The following CAST variants were observed in gnomAD, a reference collection of about 807,000 sequenced individuals.
The protein encoded by CAST is calpastatin.
CAST carries 76 observed loss-of-function variants against 119.6 expected under a neutral mutation model. The observed-to-expected ratio is 0.64, with a 90% confidence interval of 0.53 to 0.77. The LOEUF is 0.77. CAST is among the 30% of genes least tolerant of loss of function. The probability of loss-of-function intolerance (pLI) is 0.00; values close to 1 mark genes in which losing one functional copy is unlikely to be tolerated. For missense variants in CAST, 953 were observed against 946.5 expected (o/e 1.01, Z -0.09); for synonymous variants, 319 against 331.6 (o/e 0.96, Z 0.41).
chr5:96,046,579 C>G, the CAST span, among the ~76,000 whole-genome samples: 33 of 152,278 alleles, frequency 2.2e-4, no homozygotes, highest in African/African-American at 7.9e-4. Flanking sequence ...TAATTCATTC[C>G]CATATGGGCA....
At chr5:96,566,311 T>C (rs1407242852) in intron 1 of CAST, among the ~76,000 whole-genome samples, 1 of 152,202 alleles carries the variant, frequency 6.6e-6, no homozygotes, top group African/African-American at 2.4e-5. Flanking sequence ...GTTGATTCCA[T>C]TGTTCCTTTA....
intron 3 of CAST, chr5:96,696,229 A>G (rs1581003844): frequency 6.0e-6 from 1 of 166,426 alleles, no homozygotes. Flanking sequence ...CCCACTTTAG[A>G]AAATAATTCA....
intron 1 of CAST, among the ~76,000 whole-genome samples, chr5:96,566,736 T>C (rs1746475719): frequency 2.0e-5 from 3 of 152,202 alleles, no homozygotes; most frequent in Admixed American, 2.0e-4. Context: ...CATGACCCCT[T>C]CTGCTGACAA....
At chr5:96,668,981 G>T (rs772371848) in intron 1 of CAST, among the ~76,000 whole-genome samples, 1 of 152,192 alleles carries the variant, frequency 6.6e-6, no homozygotes, top group African/African-American at 2.4e-5. Context: ...TACTGGAGGA[G>T]GGGGTGGGGC....
the CAST span, among the ~76,000 whole-genome samples, chr5:96,275,055 T>C: frequency 6.6e-6 from 1 of 152,176 alleles, no homozygotes; most frequent in Non-Finnish European, 1.5e-5. Flanking sequence ...AATTAACACG[T>C]TGAGGTGGTA....
chr5:96,131,222 C>A, the CAST span, among the ~76,000 whole-genome samples: 1 of 151,844 alleles, frequency 6.6e-6, no homozygotes, highest in East Asian at 1.9e-4. Flanking sequence ...TGTCTATTAA[C>A]CTAGAGAGAT....
the CAST span, among the ~76,000 whole-genome samples, chr5:96,344,923 T>A: frequency 6.6e-6 from 1 of 152,202 alleles, no homozygotes; most frequent in Non-Finnish European, 1.5e-5. Context: ...ATATAATGAC[T>A]TGTAGACACA....
chr5:96,006,949 C>G, the CAST span, among the ~76,000 whole-genome samples: 59 of 152,174 alleles, frequency 3.9e-4, 1 homozygote, highest in Admixed American at 3.7e-3. Context: ...AATATCTAAG[C>G]TTTAAAAATG....
the CAST span, among the ~76,000 whole-genome samples, chr5:96,332,224 C>T: frequency 2.0e-5 from 3 of 152,156 alleles, no homozygotes; most frequent in Admixed American, 6.5e-5. Flanking sequence ...AGAATTCACA[C>T]CATTTATTAT....
rs1367623587 is a variant in CAST, at chr5:96,757,444, G to A, written c.1711G>A (p.Asp571Asn). 1 of 1,613,882 alleles carries A rather than the reference G, an allele frequency of 6.2e-7. No homozygotes were observed. The highest frequency in any genetic ancestry group is 8.5e-7 in the Non-Finnish European group (1 of 1,179,772). ...PPDYRLEEVK[D>N]KDGKPLLPKE... ...GCCATGTGTTTTCCCCCCCGGATAG[G>A]ATAAAGATGGAAAGCCACTCCTGCC... The change falls in exon 23 of 32, where the codon GAT (aspartate) becomes AAT (asparagine). Residue 571 changes from aspartate (D) to asparagine (N), a missense_variant and splice_region_variant. Coordinates refer to ENST00000675179, the MANE Select transcript of CAST (RefSeq NM_001750.7).
At chr5:96,120,248 CCTT>C in the CAST span, among the ~76,000 whole-genome samples, 2 of 152,076 alleles carry the variant, frequency 1.3e-5, no homozygotes, top group Non-Finnish European at 2.9e-5. Flanking sequence ...TTGATTCTCA[CCTT>C]CTACTGTTGG....
chr5:96,016,390 T>C, the CAST span, among the ~76,000 whole-genome samples: 16 of 152,336 alleles, frequency 1.1e-4, no homozygotes, highest in East Asian at 2.5e-3. Flanking sequence ...CACATGCCAC[T>C]GAATCATACA....
the CAST span, chr5:96,308,661 A>T: frequency 5.9e-5 from 9 of 151,952 alleles, no homozygotes; most frequent in African/African-American, 2.2e-4. Flanking sequence ...CTTTTTGTTG[A>T]TGCTGATACT....
chr5:96,206,891 T>C, the CAST span, among the ~76,000 whole-genome samples: 1 of 152,168 alleles, frequency 6.6e-6, no homozygotes, highest in African/African-American at 2.4e-5. Flanking sequence ...TAAATTGCTG[T>C]GGGCAGTATG....
At chr5:96,091,113 G>A in the CAST span, among the ~76,000 whole-genome samples, 1 of 152,116 alleles carries the variant, frequency 6.6e-6, no homozygotes, top group South Asian at 2.1e-4. Flanking sequence ...TGGGGTGGAG[G>A]CTGCTGGCTT....
Position 96,774,509 on chromosome 5 carries a change from T to TATC in CAST, c.*1895_*1897dup, listed in dbSNP as rs1773627088. 1.0e-6 allele frequency: 1 copy of TATC among 986,532 alleles called. No individual in the cohort carries two copies. The highest frequency in any genetic ancestry group is 1.2e-6 in the Non-Finnish European group (1 of 829,796). The allele number at this position is 986,532 out of a possible 1,614,324, so 61.1% of individuals were successfully genotyped here. ...TTAGAGGCAAAGAACAATTTTTTAT[T>TATC]ATCAAAAAGGTTTCTGCACATTGTT... On this transcript the variant is annotated 3_prime_UTR_variant, in exon 32 of 32. Coordinates refer to ENST00000675179, the MANE Select transcript of CAST (RefSeq NM_001750.7).
intron 1 of CAST, among the ~76,000 whole-genome samples, chr5:96,622,218 T>A (rs941712197): frequency 3.3e-5 from 5 of 152,036 alleles, no homozygotes; most frequent in African/African-American, 7.2e-5. Flanking sequence ...TCCACCCACC[T>A]CGGCCTCCCA....
At chr5:96,733,603 T>G (rs1761028210) in intron 9 of CAST, among the ~76,000 whole-genome samples, 1 of 152,236 alleles carries the variant, frequency 6.6e-6, no homozygotes, top group Non-Finnish European at 1.5e-5. Flanking sequence ...ATTTAATGAC[T>G]TGCCTTCTTA....
intron 1 of CAST, among the ~76,000 whole-genome samples, chr5:96,539,692 GAGTTTCC>G (rs1745878872): frequency 6.6e-6 from 1 of 152,072 alleles, no homozygotes; most frequent in Non-Finnish European, 1.5e-5. Flanking sequence ...TATTAAAAGT[GAGTTTCC>G]TTGTATCAAT....
Sources: allele counts gnomAD v4.1 joint callset (sites outside exome capture counted in the v4.1 genomes callset), GRCh38; gene constraint gnomAD v4.1.1; transcripts MANE v1.5; gene names NCBI Gene and HGNC (gene_info 2026-07-23, HGNC 2026-07-21).